MCUR1: variants seen among roughly 807,000 people sequenced by gnomAD.
MCUR1 encodes MCU regulator 1.
A neutral mutation model predicts 42.0 loss-of-function variants in MCUR1; 37 were observed. The observed-to-expected ratio is 0.88, with a 90% CI of 0.68 to 1.16. The LOEUF (loss-of-function observed/expected upper bound fraction) is 1.16. Ranked by LOEUF, MCUR1 falls within the 50% of genes most tolerant of loss-of-function variation. MCUR1 has a pLI of 0.00. For synonymous variants in MCUR1, 229 were observed against 196.2 expected (o/e 1.17, Z -1.40); for missense variants, 469 against 468.4 (o/e 1.00, Z -0.01).
intron 7 of MCUR1, among the ~76,000 whole-genome samples, chr6:13,793,260 C>A (rs1759775587): frequency 6.6e-6 from 1 of 152,094 alleles, no homozygotes; most frequent in Non-Finnish European, 1.5e-5. Context: ...TGACACTCCA[C>A]TTCTGCATAT....
Position 13,790,673 on chromosome 6 carries a change from G to C in MCUR1, c.*136C>G. ...TCACCGTGTTGGCCAGGCTGGTCTCGAACTCCTGACCTCAGGTAATCCACC... is the reference window on the plus strand; with the variant it reads ...TCACCGTGTTGGCCAGGCTGGTCTCCAACTCCTGACCTCAGGTAATCCACC... On this transcript the variant is annotated 3_prime_UTR_variant, in exon 9 of 9. Coordinates refer to ENST00000379170, the MANE Select transcript of MCUR1 (RefSeq NM_001031713.4). The C allele has an allele frequency of 1.8e-6, 1 of 548,976 alleles. No individual in the cohort carries two copies. Among genetic ancestry groups the C allele is most frequent in the Admixed American group, 3.1e-5 (1 of 32,002 alleles). The allele number at this position is 548,976 out of a possible 1,614,324, so 34.0% of individuals were successfully genotyped here. A position where few individuals can be genotyped will look rare whatever the true frequency, so the allele number is the denominator to read the frequency against.
chr6:13,798,943 A>C (rs375446121), intron 5 of MCUR1, 39 bp from the exon 6 acceptor site: 20 of 1,270,254 alleles, frequency 1.6e-5, no homozygotes, highest in African/African-American at 2.9e-5. Context: ...AAAAATCCAA[A>C]GTAAGAAACC....
At chr6:13,798,944 G>T in intron 5 of MCUR1, 40 bp from the exon 6 acceptor site, 1 of 1,248,096 alleles carries the variant, frequency 8.0e-7, no homozygotes, top group Non-Finnish European at 1.2e-6. Context: ...AAAATCCAAA[G>T]TAAGAAACCC....
intron 6 of MCUR1, among the ~76,000 whole-genome samples, chr6:13,797,703 G>A (rs1022660425): frequency 6.9e-6 from 1 of 144,378 alleles, no homozygotes; most frequent in African/African-American, 2.6e-5. Flanking sequence ...GCGAGACTCC[G>A]CCTCAAACAA....
chr6:13,792,072 G>C, intron 7 of MCUR1, 80 bp from the exon 8 acceptor site: 1 of 1,069,296 alleles, frequency 9.4e-7, no homozygotes, highest in Non-Finnish European at 1.4e-6. Context: ...TTCCCAACGG[G>C]GTGCAGTCAC....
chr6:13,807,032 G>A lies in MCUR1; in HGVS notation c.428C>T (p.Ser143Phe). The A allele has an allele frequency of 6.2e-7, 1 of 1,611,954 alleles. No individual in the cohort carries two copies. Among genetic ancestry groups the A allele is most frequent in the Non-Finnish European group, 8.5e-7 (1 of 1,178,696 alleles). ...GCGCTCCAGCTGCAGGGATCCAGCA[G>A]ACAAGCTTAGCTCTAGGGTGGAAAG... The part of the protein sequence containing the change: ...LVSCRRELSL[S>F]AGSLQLERKR... Residue 143 changes from serine to phenylalanine, a missense_variant, in exon 2 of 9, where the codon TCT (serine) becomes TTT (phenylalanine). By Grantham distance (155) the Ser-to-Phe change is radical (BLOSUM62 -2). Coordinates refer to ENST00000379170, the MANE Select transcript of MCUR1 (RefSeq NM_001031713.4).
At chr6:13,813,879 G>C in intron 1 of MCUR1, 136 bp downstream of exon 1, 1 of 953,778 alleles carries the variant, frequency 1.0e-6, no homozygotes, top group East Asian at 3.4e-5. Context: ...CCACGCTCCG[G>C]GCAGATGCCG....
intron 1 of MCUR1, among the ~76,000 whole-genome samples, chr6:13,812,418 A>G (rs780758500): frequency 3.9e-5 from 6 of 152,234 alleles, no homozygotes; most frequent in Non-Finnish European, 5.9e-5. Flanking sequence ...CACTAAAACA[A>G]CAGTACCACC....
chr6:13,798,060 CACA>C (rs1759896415), intron 6 of MCUR1, among the ~76,000 whole-genome samples: 1 of 151,980 alleles, frequency 6.6e-6, no homozygotes, highest in South Asian at 2.1e-4. Flanking sequence ...AAAATACCCT[CACA>C]ACTTCTCACT....
chr6:13,792,841 C>G (rs1759761575), intron 7 of MCUR1, among the ~76,000 whole-genome samples: 2 of 152,050 alleles, frequency 1.3e-5, no homozygotes, highest in Admixed American at 6.6e-5. Flanking sequence ...ATGAAAGCCT[C>G]TTGGGGGTTT....
At chr6:13,810,023 T>G (rs1236095490) in intron 1 of MCUR1, among the ~76,000 whole-genome samples, 1 of 151,962 alleles carries the variant, frequency 6.6e-6, no homozygotes, top group Admixed American at 6.6e-5. Context: ...GCCAAGATGG[T>G]GAAACCCCGT....
intron 1 of MCUR1, among the ~76,000 whole-genome samples, chr6:13,810,718 G>T (rs1390142884): frequency 6.6e-6 from 1 of 152,198 alleles, no homozygotes; most frequent in Non-Finnish European, 1.5e-5. Context: ...GAAGGGGAGG[G>T]TAGCTGTGGT....
At chr6:13,813,226 C>A (rs571672363) in intron 1 of MCUR1, among the ~76,000 whole-genome samples, 69 of 152,280 alleles carry the variant, frequency 4.5e-4, no homozygotes, top group Non-Finnish European at 7.6e-4. Flanking sequence ...CCTAATGACT[C>A]ATTTCTCAGT....
In MCUR1 at chr6:13,790,139, T is replaced by C. The variant is rs986888072; in HGVS notation, c.*670A>G. 1.3e-5 allele frequency: 2 copies of C among 152,184 alleles called. No homozygotes were observed. The highest frequency in any genetic ancestry group is 4.8e-5 in the African/African-American group (2 of 41,450). 9.4% of individuals were successfully genotyped at this position (152,184 alleles called of 1,614,324 possible). ...GATTTTCCAGCACTTATTAAAGCCATTGTGCCCTGAACATGGAGACCCCCA... is the reference window on the plus strand; with the variant it reads ...GATTTTCCAGCACTTATTAAAGCCACTGTGCCCTGAACATGGAGACCCCCA... On this transcript the variant is annotated 3_prime_UTR_variant, in exon 9 of 9. Coordinates refer to ENST00000379170, the MANE Select transcript of MCUR1 (RefSeq NM_001031713.4).
intron 1 of MCUR1, among the ~76,000 whole-genome samples, chr6:13,808,521 T>G (rs1025002810): frequency 1.2e-4 from 18 of 152,260 alleles, no homozygotes; most frequent in African/African-American, 4.3e-4. Flanking sequence ...ATCTGTTTTT[T>G]CTTTTGTTGC....
At chr6:13,810,498 C>A (rs1361143490) in intron 1 of MCUR1, among the ~76,000 whole-genome samples, 1 of 152,146 alleles carries the variant, frequency 6.6e-6, no homozygotes, top group Non-Finnish European at 1.5e-5. Flanking sequence ...AGAAGGGTCA[C>A]CTGCCAACTC....
intron 8 of MCUR1, among the ~76,000 whole-genome samples, chr6:13,791,671 ATTAC>A (rs1375680265): frequency 6.6e-6 from 1 of 152,174 alleles, no homozygotes; most frequent in East Asian, 1.9e-4. Context: ...AACGTACACA[ATTAC>A]TTTATTTACT....
Position 13,814,524 on chromosome 6 carries a change from G to A in MCUR1, c.-95C>T. 7.7e-7 allele frequency: 1 copy of A among 1,301,944 alleles called. No homozygotes were observed. Among genetic ancestry groups the A allele is most frequent in the African/African-American group, 1.6e-5 (1 of 64,222 alleles). The allele number at this position is 1,301,944 out of a possible 1,614,324, so 80.6% of individuals were successfully genotyped here. On this transcript the variant is annotated 5_prime_UTR_variant, in exon 1 of 9. Coordinates refer to ENST00000379170, the MANE Select transcript of MCUR1 (RefSeq NM_001031713.4). ...AGGCCCAGAGTCCGACAGCGGGAGC[G>A]AGCGTGGGCCACAGCGCAGGACCGC...
chr6:13,804,349 G>GA (rs1760067098), intron 2 of MCUR1: 1 of 113,840 alleles, frequency 8.8e-6, no homozygotes, highest in African/African-American at 3.4e-5. Flanking sequence ...AAAAAAAAAA[G>GA]AAAAAAATTA....
Sources: allele counts gnomAD v4.1 joint callset (sites outside exome capture counted in the v4.1 genomes callset), GRCh38; gene constraint gnomAD v4.1.1; transcripts MANE v1.5; gene names NCBI Gene and HGNC (gene_info 2026-07-23, HGNC 2026-07-21).